C7: variants seen among roughly 807,000 people sequenced by gnomAD.
C7 encodes complement C7, also known as complement component C7.
In C7, 83 loss-of-function variants were observed where a neutral mutation model predicts 104.8. That is an observed-to-expected ratio of 0.79 (90% CI 0.66 to 0.95). C7 has a LOEUF of 0.95. Among genes scored for constraint, C7 ranks in the 40% least tolerant of loss-of-function variants. The pLI is 0.00. For missense variants in C7, 1,070 were observed against 1,011.2 expected (o/e 1.06, Z -0.79); for synonymous variants, 415 against 360.6 (o/e 1.15, Z -1.71).
At chr5:40,963,958 G>A (rs1431868677) in intron 13 of C7, among the ~76,000 whole-genome samples, 1 of 146,324 alleles carries the variant, frequency 6.8e-6, no homozygotes, top group Admixed American at 6.9e-5. Flanking sequence ...GAAAATTTCT[G>A]GGTGTTCATA....
intron 12 of C7, among the ~76,000 whole-genome samples, chr5:40,960,807 A>G (rs1265898662): frequency 2.0e-5 from 3 of 152,138 alleles, no homozygotes; most frequent in Non-Finnish European, 4.4e-5. Flanking sequence ...TTGTGTCTCT[A>G]GAGTGGAGAT....
intron 8 of C7, 118 bp from the exon 9 acceptor site, chr5:40,949,786 T>A: frequency 3.0e-6 from 2 of 672,994 alleles, no homozygotes; most frequent in Admixed American, 2.4e-5. Flanking sequence ...TCATATCATG[T>A]CACTCTTGAT....
In C7 at chr5:40,983,728, C is replaced by T. The variant is rs1741003265; in HGVS notation, c.*2155C>T. Among the ~76,000 whole-genome samples, 1 of 152,092 alleles carries T rather than the reference C, an allele frequency of 6.6e-6. No individual in the cohort carries two copies. The highest frequency in any genetic ancestry group is 1.5e-5 in the Non-Finnish European group (1 of 68,020). On this transcript the variant is annotated 3_prime_UTR_variant, in exon 18 of 18. Coordinates refer to ENST00000313164, the MANE Select transcript of C7 (RefSeq NM_000587.4). The stretch of plus-strand genomic sequence containing the variant: ...TGTTTTGAAACTTCCAAAATAAGTT[C>T]TTGAACACCTATGGAGAGGCTTTGA...
rs1450616108 is a variant in C7, at chr5:40,976,482, T to C, written c.2075-268T>C. ...TGGGCATGTGTTAGGGAGGCATGAA[T>C]ATCCCAATGTATAAAAAGTGCATGA... On this transcript the variant is annotated intron_variant, in intron 15 of 17. Transcript: ENST00000313164. Among the ~76,000 whole-genome samples the C allele has an allele frequency of 2.0e-5, 3 of 152,332 alleles. No individual in the cohort carries two copies. The East Asian group carries it at 5.8e-4, about 29-fold the overall frequency.
chr5:40,930,712 G>A (rs932661145), intron 2 of C7, among the ~76,000 whole-genome samples: 3 of 151,286 alleles, frequency 2.0e-5, no homozygotes, highest in South Asian at 2.1e-4. Flanking sequence ...ACAGGCACGC[G>A]CCACCCTGCC....
At chr5:40,928,364 T>C (rs547623953) in intron 1 of C7, among the ~76,000 whole-genome samples, 43 of 152,274 alleles carry the variant, frequency 2.8e-4, no homozygotes, top group Non-Finnish European at 1.8e-4. Context: ...CATTTCAAAA[T>C]TGCCAAAAGT....
In C7 at chr5:40,979,874, C is replaced by T. The variant is rs1380419539; in HGVS notation, c.2315C>T (p.Ala772Val). The T allele has an allele frequency of 6.2e-7, 1 of 1,602,390 alleles. No individual in the cohort carries two copies. Among genetic ancestry groups the T allele is most frequent in the Non-Finnish European group, 8.5e-7 (1 of 1,173,208 alleles). ...ACTCTGCCTGCCTCAGCTGAGAAAG[C>T]TTGTGGTGCCTGCCCACTGTGGGGA... ...SCTLPASAEK[A>V]CGACPLWGKC... The change falls in exon 17 of 18, where the codon GCT (alanine) becomes GTT (valine). Residue 772 changes from alanine to valine, a missense_variant. Ala to Val is a moderately conservative substitution (Grantham distance 64). Transcript: ENST00000313164.
chr5:40,918,949 GACACACACACACACACAC>G (rs138558983), intron 1 of C7, among the ~76,000 whole-genome samples: 1 of 138,316 alleles, frequency 7.2e-6, no homozygotes, highest in East Asian at 2.1e-4. Flanking sequence ...GAATCTAACA[GACACACACACACACACAC>G]ACACACACAC....
intron 10 of C7, among the ~76,000 whole-genome samples, chr5:40,957,058 C>T (rs977401704): frequency 2.6e-5 from 4 of 152,230 alleles, no homozygotes; most frequent in Non-Finnish European, 4.4e-5. Context: ...AGGTACATGA[C>T]TATGCAAAGC....
chr5:40,964,980 C>T, intron 14 of C7, 107 bp downstream of exon 14: 2 of 1,250,136 alleles, frequency 1.6e-6, no homozygotes, highest in South Asian at 2.6e-5. Context: ...GCCTTCCTTT[C>T]CTGTAAGGCT....
intron 6 of C7, among the ~76,000 whole-genome samples, chr5:40,942,383 T>A (rs896273030): frequency 5.3e-5 from 8 of 151,682 alleles, no homozygotes; most frequent in African/African-American, 1.9e-4. Context: ...TCAGAGAGAA[T>A]GCAATACAGA....
At chr5:40,924,125 A>G (rs1739501454) in intron 1 of C7, among the ~76,000 whole-genome samples, 1 of 152,178 alleles carries the variant, frequency 6.6e-6, no homozygotes, top group Non-Finnish European at 1.5e-5. Context: ...AGTTTGTAAA[A>G]TCGAAACAAA....
rs1347070379 is a variant in C7 at position 40,974,768 on chromosome 5, T to C, written c.2075-1982T>C. Reference sequence around the variant, plus strand: ...TTTTAAAATCTAAAATTTCAGGATTTGTCCTAAAGTAAATTTTTAACCACA... The same window carrying C: ...TTTTAAAATCTAAAATTTCAGGATTCGTCCTAAAGTAAATTTTTAACCACA... On this transcript the variant is annotated intron_variant, in intron 15 of 17. Coordinates refer to ENST00000313164, the MANE Select transcript of C7 (RefSeq NM_000587.4). Among the ~76,000 whole-genome samples, 3 of 152,220 alleles carry C rather than the reference T, an allele frequency of 2.0e-5. No homozygotes were observed. The South Asian group carries it at 6.2e-4, about 32-fold the overall frequency.
At chr5:40,956,039 C>T (rs1336614763) in intron 10 of C7, among the ~76,000 whole-genome samples, 2 of 151,886 alleles carry the variant, frequency 1.3e-5, no homozygotes, top group African/African-American at 2.4e-5. Context: ...TATAATGCAA[C>T]AAATGTGTTT....
Position 40,970,608 on chromosome 5 carries a change from T to C in C7, c.1883-1795T>C, listed in dbSNP as rs541420469. On this transcript the variant is annotated intron_variant, in intron 14 of 17. Coordinates refer to ENST00000313164, the MANE Select transcript of C7 (RefSeq NM_000587.4). ...GAGTTTTTAATTTTTTTTTTAATTT[T>C]ACTTTAAGTTCTGGGATACATGTGT... Among the ~76,000 whole-genome samples, 226 of 152,280 alleles carry C rather than the reference T, an allele frequency of 1.5e-3. 1 individual carries two copies. The highest frequency in any genetic ancestry group is 5.2e-3 in the African/African-American group (216 of 41,554).
Position 40,983,998 on chromosome 5 carries a change from A to G in C7, c.*2425A>G, listed in dbSNP as rs1436782687. Among the ~76,000 whole-genome samples, 1 of 152,174 alleles carries G rather than the reference A, an allele frequency of 6.6e-6. No homozygotes were observed. Among genetic ancestry groups the G allele is most frequent in the Non-Finnish European group, 1.5e-5 (1 of 68,028 alleles). On this transcript the variant is annotated 3_prime_UTR_variant, in exon 18 of 18. Coordinates refer to ENST00000313164, the MANE Select transcript of C7 (RefSeq NM_000587.4). ...TGGTGCATTAATCATCACTAGCTTC[A>G]GGGAGCTATGTGGAGGCCAAGGCAC...
rs1386089147 is a variant in C7 at position 40,945,209 on chromosome 5, T to C, written c.579T>C (p.Asn193=). The stretch of plus-strand genomic sequence containing the variant: ...CATTTTCTTTGTAGGTGAAAATAAA[T>C]AATGATTTTAATTATGAATTTTACA... ...VLSYTFQVKI[N]NDFNYEFYNS... The change falls in exon 7 of 18, where the codon AAT becomes AAC. Residue 193 remains asparagine (N), a synonymous_variant. Transcript: ENST00000313164. 1 of 1,479,434 alleles carries C rather than the reference T, an allele frequency of 6.8e-7. No individual in the cohort carries two copies. The highest frequency in any genetic ancestry group is 1.3e-5 in the South Asian group (1 of 76,214). 91.6% of individuals were successfully genotyped at this position (1,479,434 alleles called of 1,614,324 possible).
At chr5:40,960,714 C>T (rs1358830836) in intron 12 of C7, among the ~76,000 whole-genome samples, 1 of 152,062 alleles carries the variant, frequency 6.6e-6, no homozygotes, top group Non-Finnish European at 1.5e-5. Flanking sequence ...CCACAGTTTC[C>T]TCAAAGTATG....
rs185789661 is a variant in C7, at chr5:40,969,467, G to A, written c.1883-2936G>A. Among the ~76,000 whole-genome samples, 59 of 152,208 alleles carry A rather than the reference G, an allele frequency of 3.9e-4. No individual in the cohort carries two copies. In the Middle Eastern group the frequency reaches 0.014, roughly 35 times the overall value. On this transcript the variant is annotated intron_variant, in intron 14 of 17. Transcript: ENST00000313164. ...TTTGAATGTTAAATTAGTTTTAATTGAATGTCAGACTTTACGTATGAAAAT... is the reference window on the plus strand; with the variant it reads ...TTTGAATGTTAAATTAGTTTTAATTAAATGTCAGACTTTACGTATGAAAAT...
Sources: allele counts gnomAD v4.1 joint callset (sites outside exome capture counted in the v4.1 genomes callset), GRCh38; gene constraint gnomAD v4.1.1; transcripts MANE v1.5; gene names NCBI Gene and HGNC (gene_info 2026-07-23, HGNC 2026-07-21).